The following CCSER1 variants were observed in gnomAD, a reference collection of about 807,000 sequenced individuals.
CCSER1 encodes coiled-coil serine rich protein 1.
Under a neutral mutation model 82.0 loss-of-function variants are expected in CCSER1, and 41 were observed. The observed-to-expected ratio is 0.50, with a 90% CI of 0.39 to 0.65. The LOEUF (loss-of-function observed/expected upper bound fraction) is 0.65. Ranked by LOEUF, CCSER1 falls within the 30% of genes least tolerant of loss-of-function variation. The probability of loss-of-function intolerance (pLI) is 0.00; values close to 1 mark genes in which losing one functional copy is unlikely to be tolerated. For missense variants in CCSER1, 1,119 were observed against 1,064.2 expected (o/e 1.05, Z -0.72); for synonymous variants, 414 against 383.9 (o/e 1.08, Z -0.92).
intron 9 of CCSER1, among the ~76,000 whole-genome samples, chr4:90,924,923 C>A (rs1255024854): frequency 1.3e-5 from 2 of 152,150 alleles, no homozygotes; most frequent in Non-Finnish European, 2.9e-5. Flanking sequence ...GACAGGGTTT[C>A]ATCATGTTGG....
At chr4:91,151,411 A>C (rs1216761317) in intron 10 of CCSER1, among the ~76,000 whole-genome samples, 2 of 151,974 alleles carry the variant, frequency 1.3e-5, no homozygotes, top group East Asian at 3.9e-4. Flanking sequence ...TGATCTTTTC[A>C]AAAAACCAGC....
chr4:90,438,041 T>G (rs1266474485), intron 4 of CCSER1, among the ~76,000 whole-genome samples: 2 of 152,110 alleles, frequency 1.3e-5, no homozygotes, highest in Non-Finnish European at 2.9e-5. Context: ...GCAATAATAA[T>G]AATATTTTTC....
Position 90,732,027 on chromosome 4 carries a change from T to TTCTCTCTCTCTC in CCSER1, c.2010+8059_2010+8070dup, listed in dbSNP as rs76331329. Among the ~76,000 whole-genome samples, 622 of 131,142 alleles carry TTCTCTCTCTCTC rather than the reference T, an allele frequency of 4.7e-3. 20 individuals carry two copies. Among genetic ancestry groups the TTCTCTCTCTCTC allele is most frequent in the African/African-American group, 0.016 (488 of 30,834 alleles). 86.0% of individuals were successfully genotyped at this position (131,142 alleles called of 152,430 possible). A position where few individuals can be genotyped will look rare whatever the true frequency, so the allele number is the denominator to read the frequency against. On this transcript the variant is annotated intron_variant, in intron 7 of 10. Transcript: ENST00000509176. ...CTGAAAACACTGTACCTATTGGGATTTCTCTCTCTCTCTCTCTCTCTCTCT... is the reference window on the plus strand; with the variant it reads ...CTGAAAACACTGTACCTATTGGGATTTCTCTCTCTCTCTCTCTCTCTCTCTCTCTCTCTCTCT...
intron 10 of CCSER1, among the ~76,000 whole-genome samples, chr4:91,522,692 A>T (rs891758401): frequency 6.6e-6 from 1 of 152,176 alleles, no homozygotes; most frequent in Admixed American, 6.6e-5. Context: ...ATTGGTGTAT[A>T]GGAATGCTTG....
At chr4:90,959,618 A>T (rs964417039) in intron 9 of CCSER1, among the ~76,000 whole-genome samples, 2 of 152,126 alleles carry the variant, frequency 1.3e-5, no homozygotes, top group Non-Finnish European at 2.9e-5. Context: ...TTATGAGAAA[A>T]CTAGGCATCA....
chr4:91,513,875 T>C (rs1346950497), intron 10 of CCSER1, among the ~76,000 whole-genome samples: 1 of 152,106 alleles, frequency 6.6e-6, no homozygotes, highest in Non-Finnish European at 1.5e-5. Context: ...GCTAGCAGTC[T>C]ATCAATGTTG....
intron 3 of CCSER1, among the ~76,000 whole-genome samples, chr4:90,315,637 G>T (rs1248456783): frequency 2.6e-5 from 4 of 151,964 alleles, no homozygotes; most frequent in Non-Finnish European, 5.9e-5. Context: ...CCGAGTAGCT[G>T]GGACCACAAG....
At chr4:91,326,870 T>G (rs1324221255) in intron 10 of CCSER1, among the ~76,000 whole-genome samples, 1 of 152,078 alleles carries the variant, frequency 6.6e-6, no homozygotes, top group Non-Finnish European at 1.5e-5. Flanking sequence ...GTGCCTCCAT[T>G]AAATCTTAAA....
At chr4:91,589,411 A>G (rs1336995220) in intron 10 of CCSER1, among the ~76,000 whole-genome samples, 1 of 151,944 alleles carries the variant, frequency 6.6e-6, no homozygotes, top group Non-Finnish European at 1.5e-5. Flanking sequence ...TCTACCACAT[A>G]AAGCCACAGC....
At chr4:91,458,802 C>A (rs1382163404) in intron 10 of CCSER1, among the ~76,000 whole-genome samples, 1 of 152,082 alleles carries the variant, frequency 6.6e-6, no homozygotes, top group Non-Finnish European at 1.5e-5. Flanking sequence ...CAGTTGTTCA[C>A]TGTTAACATA....
At chr4:90,181,197 C>A (rs1339403144) in intron 1 of CCSER1, among the ~76,000 whole-genome samples, 1 of 152,030 alleles carries the variant, frequency 6.6e-6, no homozygotes, top group Non-Finnish European at 1.5e-5. Context: ...TGTGCATGTA[C>A]CCCCTGCAAC....
intron 10 of CCSER1, among the ~76,000 whole-genome samples, chr4:91,435,179 C>G (rs1189391222): frequency 6.6e-6 from 1 of 152,188 alleles, no homozygotes; most frequent in African/African-American, 2.4e-5. Flanking sequence ...TGGCCCATGC[C>G]TGTGATCCCA....
chr4:90,947,821 G>A (rs982624154), intron 9 of CCSER1, among the ~76,000 whole-genome samples: 2 of 152,044 alleles, frequency 1.3e-5, no homozygotes, highest in African/African-American at 2.4e-5. Context: ...TGACTTTCCT[G>A]TTCCCAAACA....
chr4:91,454,610 T>G (rs1363171449), intron 10 of CCSER1, among the ~76,000 whole-genome samples: 1 of 152,056 alleles, frequency 6.6e-6, no homozygotes, highest in Non-Finnish European at 1.5e-5. Flanking sequence ...TGAGGGGACA[T>G]TTTATTCAGC....
intron 10 of CCSER1, among the ~76,000 whole-genome samples, chr4:91,354,851 G>A (rs954319025): frequency 6.6e-6 from 1 of 152,170 alleles, no homozygotes; most frequent in Non-Finnish European, 1.5e-5. Context: ...ACAAATTTCT[G>A]GTTTTTCCTA....
intron 10 of CCSER1, among the ~76,000 whole-genome samples, chr4:91,149,522 C>T (rs1250892193): frequency 3.9e-5 from 6 of 152,100 alleles, no homozygotes; most frequent in African/African-American, 1.4e-4. Context: ...GTTGCCATTG[C>T]TTTTGGTGTT....
At chr4:91,459,011 G>T (rs1756353666) in intron 10 of CCSER1, among the ~76,000 whole-genome samples, 1 of 151,680 alleles carries the variant, frequency 6.6e-6, no homozygotes, top group Non-Finnish European at 1.5e-5. Flanking sequence ...GGAACTTATG[G>T]GTTTTTTTTC....
chr4:90,499,968 C>T (rs1031112699), intron 5 of CCSER1, among the ~76,000 whole-genome samples: 6 of 152,032 alleles, frequency 3.9e-5, no homozygotes, highest in Admixed American at 3.9e-4. Flanking sequence ...TTTAAAATTG[C>T]AATTTTATAC....
chr4:91,286,347 C>G (rs996406737), intron 10 of CCSER1, among the ~76,000 whole-genome samples: 1 of 151,736 alleles, frequency 6.6e-6, no homozygotes, highest in Non-Finnish European at 1.5e-5. Context: ...TTAGTATTTT[C>G]CACTTTCAGA....
Sources: gnomAD v4.1 joint callset for allele counts (sites outside exome capture counted in the v4.1 genomes callset) on GRCh38, gnomAD v4.1.1 for gene constraint, MANE v1.5 for transcripts, NCBI Gene and HGNC (gene_info 2026-07-23, HGNC 2026-07-21) for gene names.